The following SLIT1 variants were observed in gnomAD, a reference collection of about 807,000 sequenced individuals.
The protein encoded by SLIT1 is slit homolog 1 protein.
A neutral mutation model predicts 186.1 loss-of-function variants in SLIT1; 66 were observed. That is an observed-to-expected ratio of 0.35 (90% CI 0.29 to 0.44). SLIT1 has a LOEUF of 0.44. Ranked by LOEUF, SLIT1 falls within the 20% of genes least tolerant of loss-of-function variation. The pLI is 1.00. For synonymous variants in SLIT1, 761 were observed against 833.8 expected (o/e 0.91, Z 1.50); for missense variants, 1,638 against 2,037.4 (o/e 0.80, Z 3.77).
At chr10:97,166,599 G>GA (rs1191434577) in intron 1 of SLIT1, among the ~76,000 whole-genome samples, 1 of 70,534 alleles carries the variant, frequency 1.4e-5, no homozygotes, top group Non-Finnish European at 2.9e-5. Flanking sequence ...AAGAAAGAAA[G>GA]AAAGAAAGAA....
intron 4 of SLIT1, among the ~76,000 whole-genome samples, chr10:97,086,668 A>G (rs1849163251): frequency 6.6e-6 from 1 of 152,222 alleles, no homozygotes; most frequent in Non-Finnish European, 1.5e-5. Context: ...TATATACTGT[A>G]TGATTCTAAC....
At position 97,068,561 on chromosome 10, in the gene SLIT1, A is replaced by G. The variant is rs1387934379; in HGVS notation, c.414-2475T>C. On this transcript the variant is annotated intron_variant, in intron 4 of 36. Transcript: ENST00000266058. The surrounding 1 kb of genome is among the most constrained non-coding windows in gnomAD (Gnocchi z 4.2). ...TCTCTCTCTCCTGGATGTAGGCCCCATCTCCTGGAGGGGAGATGGTTCAAG... is the reference window on the plus strand; with the variant it reads ...TCTCTCTCTCCTGGATGTAGGCCCCGTCTCCTGGAGGGGAGATGGTTCAAG... 6.6e-6 allele frequency among the ~76,000 whole-genome samples: 1 copy of G among 151,668 alleles called. No individual in the cohort carries two copies. Among genetic ancestry groups the G allele is most frequent in the East Asian group, 1.9e-4 (1 of 5,150 alleles).
chr10:97,163,002 A>G (rs2817661), intron 3 of SLIT1, among the ~76,000 whole-genome samples: 124,212 of 152,206 alleles, frequency 0.82, 50,714 homozygotes, highest in Admixed American at 0.86. Flanking sequence ...CTTCCCTGAC[A>G]GGTTCCGTTG....
At chr10:97,080,333 A>T (rs1473924431) in intron 4 of SLIT1, among the ~76,000 whole-genome samples, 1 of 152,208 alleles carries the variant, frequency 6.6e-6, no homozygotes, top group South Asian at 2.1e-4. Context: ...CTGCCAAAAA[A>T]TAGAGATGAC....
chr10:97,019,171 C>A (rs1848481668), intron 26 of SLIT1, 64 bp from the exon 27 acceptor site: 2 of 1,056,512 alleles, frequency 1.9e-6, no homozygotes, highest in Admixed American at 3.8e-5. Context: ...GGGCACAGAG[C>A]ACCTCAACCC....
chr10:97,036,400 C>T (rs567714698), intron 22 of SLIT1, among the ~76,000 whole-genome samples: 1 of 152,270 alleles, frequency 6.6e-6, no homozygotes, highest in East Asian at 1.9e-4. Context: ...CACACATTGG[C>T]CAGGTCATTA....
chr10:97,178,962 A>G (rs563139271), intron 1 of SLIT1, among the ~76,000 whole-genome samples: 10 of 152,312 alleles, frequency 6.6e-5, no homozygotes, highest in East Asian at 5.8e-4. Flanking sequence ...GTCGCCCCTC[A>G]GGGGGTTTTG....
At chr10:97,157,488 T>G in intron 4 of SLIT1, 1 of 321,926 alleles carries the variant, frequency 3.1e-6, no homozygotes. Flanking sequence ...CGCAGTGAGA[T>G]GGGTAAGAAT....
chr10:97,085,836 T>G (rs1849153964), intron 4 of SLIT1, among the ~76,000 whole-genome samples: 3 of 152,246 alleles, frequency 2.0e-5, no homozygotes, highest in South Asian at 2.1e-4. Context: ...CAATATTTGA[T>G]GATTATCTTT....
In SLIT1 at chr10:97,034,489, A is replaced by T. The variant is rs1422555127; in HGVS notation, c.2420T>A (p.Met807Lys). 6.2e-7 allele frequency: 1 copy of T among 1,613,576 alleles called. No individual in the cohort carries two copies. Among genetic ancestry groups the T allele is most frequent in the Non-Finnish European group, 8.5e-7 (1 of 1,179,646 alleles). The change falls in exon 23 of 37, where the codon ATG becomes AAG. Residue 807 changes from methionine to lysine, a missense_variant. Transcript: ENST00000266058. ...GACTCACAGAGTGGTCAGCTGGCTC[A>T]TGTTGGTGAAGGAGGAATTGCTTAA... ...SSLSNSSFTN[M>K]SQLTTLILSY...
chr10:97,014,285 G>T, intron 28 of SLIT1, 127 bp from the exon 29 acceptor site: 1 of 1,063,802 alleles, frequency 9.4e-7, no homozygotes, highest in Non-Finnish European at 1.4e-6. Context: ...CTTGCCAGGT[G>T]CTGGGTAGGG....
intron 4 of SLIT1, among the ~76,000 whole-genome samples, chr10:97,124,141 A>G (rs903281443): frequency 3.3e-5 from 5 of 152,210 alleles, no homozygotes; most frequent in Non-Finnish European, 7.3e-5. Context: ...GGATATTTGA[A>G]TTTTATCATG....
Position 97,173,057 on chromosome 10 carries a change from C to T in SLIT1, c.198-8167G>A, listed in dbSNP as rs181670161. 5.3e-3 allele frequency among the ~76,000 whole-genome samples: 807 copies of T among 152,284 alleles called. 36 individuals carry two copies. The highest frequency in any genetic ancestry group is 0.051 in the Admixed American group (776 of 15,292). ...GCAGAGGATGCTCCCATGTTACCAA[C>T]GACCTCCTCTCTTCCAGGTCCTTCC... On this transcript the variant is annotated intron_variant, in intron 1 of 36. Coordinates refer to ENST00000266058, the MANE Select transcript of SLIT1 (RefSeq NM_003061.3).
chr10:97,047,851 G>A lies in SLIT1; in HGVS notation c.1490-17C>T, dbSNP rs1337399857. Reference sequence around the variant, plus strand: ...CCTCCGTGCCTGCCATGAGAGGGTGGGGGCAGAGGCTGAGGAGCCCGGGGC... The same window carrying A: ...CCTCCGTGCCTGCCATGAGAGGGTGAGGGCAGAGGCTGAGGAGCCCGGGGC... On this transcript the variant is annotated splice_polypyrimidine_tract_variant and intron_variant, in intron 15 of 36. Transcript: ENST00000266058. 2 of 1,613,538 alleles carry A rather than the reference G, an allele frequency of 1.2e-6. No homozygotes were observed. The highest frequency in any genetic ancestry group is 1.7e-5 in the Admixed American group (1 of 60,018).
At chr10:97,036,707 C>T (rs1431501028) in intron 22 of SLIT1, among the ~76,000 whole-genome samples, 1 of 152,196 alleles carries the variant, frequency 6.6e-6, no homozygotes, top group Non-Finnish European at 1.5e-5. Context: ...TGCTCCAAAT[C>T]ACACTAAGGT....
At chr10:97,183,156 CT>C (rs2134750659) in intron 1 of SLIT1, among the ~76,000 whole-genome samples, 1 of 152,190 alleles carries the variant, frequency 6.6e-6, no homozygotes, top group South Asian at 2.1e-4. Context: ...TGGAAAAGGG[CT>C]TCTCACCCCA....
At chr10:97,145,797 A>G (rs140050033) in intron 4 of SLIT1, among the ~76,000 whole-genome samples, 205 of 152,320 alleles carry the variant, frequency 1.3e-3, no homozygotes, top group African/African-American at 4.8e-3. Flanking sequence ...CTTCTCCAAG[A>G]TGCTCCACAT....
At chr10:97,066,967 G>C (rs376661698) in intron 4 of SLIT1, among the ~76,000 whole-genome samples, 9 of 152,040 alleles carry the variant, frequency 5.9e-5, no homozygotes, top group Non-Finnish European at 1.3e-4. Flanking sequence ...TGGTGGGTGC[G>C]CCTGGGGCTT....
At chr10:97,113,776 G>A (rs951980951) in intron 4 of SLIT1, among the ~76,000 whole-genome samples, 3 of 150,306 alleles carry the variant, frequency 2.0e-5, no homozygotes, top group Non-Finnish European at 4.4e-5. Flanking sequence ...GGCTGATCTC[G>A]AACTCCTGAC....
Sources: allele counts gnomAD v4.1 joint callset (sites outside exome capture counted in the v4.1 genomes callset), GRCh38; gene constraint gnomAD v4.1.1; non-coding constraint Gnocchi (gnomAD v3.1); transcripts MANE v1.5; gene names NCBI Gene and HGNC (gene_info 2026-07-23, HGNC 2026-07-21).